The following CNTN4 variants were observed in gnomAD, a reference collection of about 807,000 sequenced individuals.
CNTN4 encodes the protein contactin 4.
Under a neutral mutation model 122.5 loss-of-function variants are expected in CNTN4, and 77 were observed. The observed-to-expected ratio is 0.63, with a 90% CI of 0.52 to 0.76. The LOEUF (loss-of-function observed/expected upper bound fraction) is 0.76, where lower values mean the gene tolerates loss of function less well. CNTN4 is among the 30% of genes least tolerant of loss of function. CNTN4 has a pLI of 0.00. For missense variants in CNTN4, 1,256 were observed against 1,259.1 expected (o/e 1.00, Z 0.04); for synonymous variants, 512 against 447.0 (o/e 1.15, Z -1.83).
intron 2 of CNTN4, among the ~76,000 whole-genome samples, chr3:2,201,830 T>C (rs73099932): frequency 0.045 from 6,807 of 152,242 alleles, 265 homozygotes; most frequent in African/African-American, 0.11. Context: ...TATGATAGAT[T>C]TTATCAGATA....
At chr3:2,829,795 C>T (rs925805387) in intron 7 of CNTN4, among the ~76,000 whole-genome samples, 1 of 152,156 alleles carries the variant, frequency 6.6e-6, no homozygotes, top group African/African-American at 2.4e-5. Context: ...CTTTTTATAG[C>T]TGAGCTTCCA....
At chr3:2,477,803 C>T (rs889635200) in intron 3 of CNTN4, among the ~76,000 whole-genome samples, 10 of 152,254 alleles carry the variant, frequency 6.6e-5, no homozygotes, top group Admixed American at 2.0e-4. Context: ...TAAACTGCTA[C>T]GTCTAATGAG....
At chr3:2,356,855 G>A (rs1032705249) in intron 3 of CNTN4, among the ~76,000 whole-genome samples, 4 of 152,186 alleles carry the variant, frequency 2.6e-5, no homozygotes, top group African/African-American at 4.8e-5. Flanking sequence ...GCTGTCTTTG[G>A]CTTTGGCCTT....
intron 6 of CNTN4, among the ~76,000 whole-genome samples, chr3:2,788,865 T>A (rs867672494): frequency 6.6e-6 from 1 of 152,192 alleles, no homozygotes; most frequent in Admixed American, 6.5e-5. Flanking sequence ...AAGAAAAATT[T>A]TCTTTTTTAA....
chr3:2,916,247 G>A (rs926447668), intron 12 of CNTN4, among the ~76,000 whole-genome samples: 6 of 150,592 alleles, frequency 4.0e-5, no homozygotes, highest in East Asian at 2.0e-4. Context: ...GTGTTTCTCC[G>A]AGAGGGGGAT....
chr3:2,632,025 T>C (rs966703578), intron 4 of CNTN4, among the ~76,000 whole-genome samples: 1 of 151,656 alleles, frequency 6.6e-6, no homozygotes, highest in Non-Finnish European at 1.5e-5. Flanking sequence ...CACTTCACCC[T>C]GGGGGACAGA....
intron 2 of CNTN4, among the ~76,000 whole-genome samples, chr3:2,167,003 T>C (rs2036223989): frequency 6.6e-6 from 1 of 152,158 alleles, no homozygotes; most frequent in Non-Finnish European, 1.5e-5. Flanking sequence ...GTAGTAATCA[T>C]TTCACTATGT....
At chr3:2,293,513 C>G (rs1042342342) in intron 2 of CNTN4, among the ~76,000 whole-genome samples, 1 of 152,160 alleles carries the variant, frequency 6.6e-6, no homozygotes, top group Non-Finnish European at 1.5e-5. Context: ...CTTAATTTCC[C>G]TGTGTCTCAG....
At chr3:2,610,844 T>C (rs1312108088) in intron 4 of CNTN4, among the ~76,000 whole-genome samples, 1 of 152,156 alleles carries the variant, frequency 6.6e-6, no homozygotes, top group African/African-American at 2.4e-5. Flanking sequence ...TAAAAAGAAA[T>C]GCACAGTTTT....
At chr3:2,582,610 C>A (rs556006045) in intron 4 of CNTN4, among the ~76,000 whole-genome samples, 1 of 152,144 alleles carries the variant, frequency 6.6e-6, no homozygotes, top group Non-Finnish European at 1.5e-5. Context: ...TGTTAATTCA[C>A]CTGAGGTGTG....
chr3:2,827,660 G>A (rs983657062), intron 7 of CNTN4, among the ~76,000 whole-genome samples: 2 of 152,162 alleles, frequency 1.3e-5, no homozygotes, highest in African/African-American at 4.8e-5. Context: ...TTTGAAAATT[G>A]CTATTAAAGA....
chr3:2,580,250 T>A (rs573907117), intron 4 of CNTN4, among the ~76,000 whole-genome samples: 3 of 152,076 alleles, frequency 2.0e-5, no homozygotes, highest in Non-Finnish European at 4.4e-5. Flanking sequence ...CCAGAACATT[T>A]AGGGTCTGTC....
At chr3:2,977,753 A>T (rs9834836) in intron 13 of CNTN4, among the ~76,000 whole-genome samples, 5 of 151,968 alleles carry the variant, frequency 3.3e-5, no homozygotes, top group Non-Finnish European at 7.4e-5. Flanking sequence ...CAGTTTCCCT[A>T]TAAAAATCAT....
At chr3:2,472,524 T>C (rs1027267244) in intron 3 of CNTN4, among the ~76,000 whole-genome samples, 2 of 152,020 alleles carry the variant, frequency 1.3e-5, no homozygotes, top group Non-Finnish European at 2.9e-5. Flanking sequence ...CTGGCATGAG[T>C]CACTGCACCT....
At chr3:2,190,924 A>G (rs1056892986) in intron 2 of CNTN4, among the ~76,000 whole-genome samples, 1 of 151,954 alleles carries the variant, frequency 6.6e-6, no homozygotes, top group African/African-American at 2.4e-5. Flanking sequence ...ATATTCAGAT[A>G]TTAGCTGGGC....
At chr3:2,146,554 C>T (rs1168433927) in intron 2 of CNTN4, among the ~76,000 whole-genome samples, 1 of 152,008 alleles carries the variant, frequency 6.6e-6, no homozygotes, top group Non-Finnish European at 1.5e-5. Flanking sequence ...AATCAGTGCT[C>T]ACTTGATATT....
chr3:2,362,172 T>A (rs963562861), intron 3 of CNTN4: 1 of 162,660 alleles, frequency 6.1e-6, no homozygotes, highest in African/African-American at 2.4e-5. Context: ...AGGGCCCAGA[T>A]CTATCAGGGG....
chr3:2,966,840 T>C (rs1054596391), intron 13 of CNTN4, among the ~76,000 whole-genome samples: 3 of 152,188 alleles, frequency 2.0e-5, no homozygotes, highest in Non-Finnish European at 4.4e-5. Context: ...AGACAGATTA[T>C]TTTAATCAGC....
intron 2 of CNTN4, among the ~76,000 whole-genome samples, chr3:2,189,745 AT>A (rs5846167): frequency 0.74 from 111,928 of 151,978 alleles, 41,861 homozygotes; most frequent in South Asian, 0.83. Flanking sequence ...TATGTTATTC[AT>A]TTTTTTTAAA....
Sources: allele counts gnomAD v4.1 joint callset (sites outside exome capture counted in the v4.1 genomes callset), GRCh38; gene constraint gnomAD v4.1.1; transcripts MANE v1.5; gene names NCBI Gene and HGNC (gene_info 2026-07-23, HGNC 2026-07-21).